C1orf167: variants seen among roughly 807,000 people sequenced by gnomAD.
The protein encoded by C1orf167 is uncharacterized protein C1orf167.
C1orf167 carries 153 observed loss-of-function variants against 176.5 expected under a neutral mutation model. That is an observed-to-expected ratio of 0.87 (90% CI 0.76 to 0.99). C1orf167 has a LOEUF of 0.99. Ranked by LOEUF, C1orf167 falls within the 50% of genes least tolerant of loss-of-function variation. The pLI is 0.00. For synonymous variants in C1orf167, 594 were observed against 752.7 expected, an observed-to-expected ratio of 0.79 and a Z score of 3.45; for missense variants, 1,490 against 1,817.7, an observed-to-expected ratio of 0.82 and a Z score of 3.28.
Position 11,768,466 on chromosome 1 carries a change from C to T in C1orf167, c.1542+191C>T, listed in dbSNP as rs911350675. 9.1e-6 allele frequency: 4 copies of T among 439,210 alleles called. No individual in the cohort carries two copies. The highest frequency in any genetic ancestry group is 6.4e-5 in the South Asian group (3 of 46,892). 27.2% of individuals were successfully genotyped at this position (439,210 alleles called of 1,614,324 possible). On this transcript the variant is annotated intron_variant, in intron 5 of 20. Transcript: ENST00000688073. The surrounding 1 kb of genome is among the most constrained non-coding windows in gnomAD (Gnocchi z 4.5). ...TGAGTTCAAATCCTGCCCCCTCTACCACTTTCTAGCTGCGTGACCTTGGGC... is the reference window on the plus strand; with the variant it reads ...TGAGTTCAAATCCTGCCCCCTCTACTACTTTCTAGCTGCGTGACCTTGGGC...
intron 4 of C1orf167, 27 bp downstream of exon 4, chr1:11,767,291 G>A (rs1465734734): frequency 1.7e-6 from 2 of 1,206,854 alleles, no homozygotes; most frequent in Admixed American, 4.6e-5. Flanking sequence ...GTGGGGACAG[G>A]GGTTGGAGTT....
chr1:11,779,224 G>A lies in C1orf167; in HGVS notation c.2651+144G>A, dbSNP rs1206030199. On this transcript the variant is annotated intron_variant, in intron 12 of 20. Coordinates refer to ENST00000688073, the MANE Select transcript of C1orf167 (RefSeq NM_001010881.2). ...TCAGTTCCTCCTGTCTTCCTGCCCC[G>A]TCCTACTGAGAGGGTGTCGGGGAGT... The A allele has an allele frequency of 1.1e-4, 83 of 776,770 alleles. 1 individual carries two copies. The highest frequency in any genetic ancestry group is 5.6e-4 in the Middle Eastern group (1 of 1,770). 48.1% of individuals were successfully genotyped at this position (776,770 alleles called of 1,614,324 possible).
chr1:11,771,370 G>A (rs1194881715), intron 6 of C1orf167, among the ~76,000 whole-genome samples, 154 bp from the exon 7 acceptor site: 1 of 151,918 alleles, frequency 6.6e-6, no homozygotes, highest in African/African-American at 2.4e-5. Context: ...TTTTAAATCC[G>A]ACATAAAATA....
chr1:11,780,028 C>T lies in C1orf167; in HGVS notation c.2860+18C>T, dbSNP rs574764929. ...TTGGCAGGGTGAGTGGAGACTTGGTCGGGGGCACTGCGGGTGAGGGCAGGG... is the reference window on the plus strand; with the variant it reads ...TTGGCAGGGTGAGTGGAGACTTGGTTGGGGGCACTGCGGGTGAGGGCAGGG... On this transcript the variant is annotated intron_variant, in intron 13 of 20. Transcript: ENST00000688073. 3.0e-5 allele frequency: 38 copies of T among 1,256,760 alleles called. No homozygotes were observed. The highest frequency in any genetic ancestry group is 9.7e-5 in the Admixed American group (4 of 41,058). The allele number at this position is 1,256,760 out of a possible 1,614,324, so 77.9% of individuals were successfully genotyped here.
In C1orf167 at chr1:11,776,555, C is replaced by G; in HGVS notation, c.2256C>G (p.Ser752=). The change falls in exon 10 of 21, where the codon TCC becomes TCG. Residue 752 remains serine, a synonymous_variant. Transcript: ENST00000688073. Reference sequence around the variant, plus strand: ...GGCAGCAGGAGCAAGGCCGGGGCTCCCTGCAGGATGCCTGCTGGACACTGG... The same window carrying G: ...GGCAGCAGGAGCAAGGCCGGGGCTCGCTGCAGGATGCCTGCTGGACACTGG... The part of the protein sequence containing the change: ...AQGQQEQGRG[S]LQDACWTLAL... 1.6e-6 allele frequency: 2 copies of G among 1,275,802 alleles called. No individual in the cohort carries two copies. Among genetic ancestry groups the G allele is most frequent in the Non-Finnish European group, 2.0e-6 (2 of 976,844 alleles). The allele number at this position is 1,275,802 out of a possible 1,614,324, so 79.0% of individuals were successfully genotyped here. A position where few individuals can be genotyped will look rare whatever the true frequency, so the allele number is the denominator to read the frequency against.
rs371188005 is a variant in C1orf167 at position 11,788,023 on chromosome 1, G to A, written c.3824G>A (p.Ser1275Asn). 1.3e-3 allele frequency: 1,733 copies of A among 1,301,232 alleles called. 3 individuals carry two copies. Among genetic ancestry groups the A allele is most frequent in the Middle Eastern group, 3.9e-3 (18 of 4,674 alleles). The allele number at this position is 1,301,232 out of a possible 1,614,324, so 80.6% of individuals were successfully genotyped here. The change falls in exon 18 of 21, where the codon AGC becomes AAC. Residue 1275 changes from serine (S) to asparagine (N), a missense_variant. Transcript: ENST00000688073. ...SPEPRACKAQ[S>N]KAHKRRLRAR... Reference sequence around the variant, plus strand: ...GAGCCCAGAGCCTGCAAAGCCCAAAGCAAGGCCCATAAACGGAGGCTACGG... The same window carrying A: ...GAGCCCAGAGCCTGCAAAGCCCAAAACAAGGCCCATAAACGGAGGCTACGG...
At chr1:11,773,246 C>T (rs1415674030) in intron 8 of C1orf167, among the ~76,000 whole-genome samples, 1 of 152,048 alleles carries the variant, frequency 6.6e-6, no homozygotes, top group African/African-American at 2.4e-5. Context: ...TAAACCCCAG[C>T]GCACCAATTA....
At position 11,775,582 on chromosome 1, in the gene C1orf167, CCAGCTGTCCCTCTGCCGG is replaced by C. The variant is rs1557732082; in HGVS notation, c.2140_2157del (p.Leu714_Gln719del). The stretch of plus-strand genomic sequence containing the variant: ...GGGAATCAGATGGGGCAAAGGTGAC[CCAGCTGTCCCTCTGCCGG>C]CAGAAAGCAGGTGAGCTAGTGTTGG... On this transcript the variant is annotated inframe_deletion, in exon 9 of 21. Transcript: ENST00000688073. 5 of 1,303,440 alleles carry C rather than the reference CCAGCTGTCCCTCTGCCGG, an allele frequency of 3.8e-6. No homozygotes were observed. The highest frequency in any genetic ancestry group is 5.6e-5 in the East Asian group (1 of 17,988). The allele number at this position is 1,303,440 out of a possible 1,614,324, so 80.7% of individuals were successfully genotyped here.
intron 6 of C1orf167, 108 bp downstream of exon 6, chr1:11,769,235 G>A: frequency 3.4e-6 from 3 of 879,682 alleles, no homozygotes; most frequent in Non-Finnish European, 4.1e-6. Flanking sequence ...ATAAGCAGAT[G>A]TGGGCAAAGA....
intron 1 of C1orf167, among the ~76,000 whole-genome samples, chr1:11,764,038 C>T (rs901501114): frequency 3.9e-5 from 6 of 152,130 alleles, no homozygotes; most frequent in East Asian, 1.9e-4. Context: ...GTTAGACATC[C>T]GGGTAGGCGT....
At chr1:11,783,822 C>T (rs764364734) in intron 14 of C1orf167, among the ~76,000 whole-genome samples, 6 of 152,184 alleles carry the variant, frequency 3.9e-5, no homozygotes, top group Non-Finnish European at 7.4e-5. Context: ...ACTCTGAGAA[C>T]GAGACAAGCC....
intron 8 of C1orf167, among the ~76,000 whole-genome samples, chr1:11,774,998 G>A (rs1007063077): frequency 2.0e-5 from 3 of 152,098 alleles, no homozygotes; most frequent in African/African-American, 7.2e-5. Context: ...AGAAAACGGA[G>A]GCTTGGCCAG....
intron 8 of C1orf167, among the ~76,000 whole-genome samples, chr1:11,774,886 G>A (rs1643237091): frequency 6.6e-6 from 1 of 152,212 alleles, no homozygotes; most frequent in Admixed American, 6.5e-5. Context: ...AGGGAGGCCA[G>A]GTCAGAGGCT....
intron 14 of C1orf167, among the ~76,000 whole-genome samples, chr1:11,783,803 T>A (rs1643700876): frequency 6.6e-6 from 1 of 152,220 alleles, no homozygotes; most frequent in Admixed American, 6.5e-5. Context: ...TGAATAAATG[T>A]GACTTTTGAC....
At chr1:11,787,313 C>G in intron 16 of C1orf167, 75 bp from the exon 17 acceptor site, 1 of 880,156 alleles carries the variant, frequency 1.1e-6, no homozygotes, top group Non-Finnish European at 1.5e-6. Context: ...GCTAGAGCAG[C>G]GAAGAAATCC....
intron 14 of C1orf167, among the ~76,000 whole-genome samples, chr1:11,782,572 C>T (rs1031322615): frequency 3.9e-5 from 6 of 152,158 alleles, no homozygotes; most frequent in South Asian, 2.1e-4. Flanking sequence ...CAACAAGCCC[C>T]GGGAGTCCAG....
At position 11,765,976 on chromosome 1, in the gene C1orf167, C is replaced by T. The variant is rs577967430; in HGVS notation, c.190C>T (p.Leu64=). Residue 64 remains leucine, a synonymous_variant, in exon 3 of 21, where the codon CTA becomes TTA. Coordinates refer to ENST00000688073, the MANE Select transcript of C1orf167 (RefSeq NM_001010881.2). The stretch of plus-strand genomic sequence containing the variant: ...TGCCACACCCTCCCCAGGGGCAGTG[C>T]TAGACCAGGAGCCCTGCCGAGTCCA... The part of the protein sequence containing the change: ...PAATPSPGAV[L]DQEPCRVQTN... 2.3e-6 allele frequency: 3 copies of T among 1,287,678 alleles called. No individual in the cohort carries two copies. Among genetic ancestry groups the T allele is most frequent in the Non-Finnish European group, 3.0e-6 (3 of 987,628 alleles). The allele number at this position is 1,287,678 out of a possible 1,614,324, so 79.8% of individuals were successfully genotyped here. A position where few individuals can be genotyped will look rare whatever the true frequency, so the allele number is the denominator to read the frequency against.
At position 11,762,493 on chromosome 1, in the gene C1orf167, G is replaced by A. The variant is rs981572847; in HGVS notation, c.-71+188G>A. Reference sequence around the variant, plus strand: ...GGCGTGAGGGGCAGGGGTGCAGGAAGGTCTCCTGTGGATTGAGCGGCCTCA... The same window carrying A: ...GGCGTGAGGGGCAGGGGTGCAGGAAAGTCTCCTGTGGATTGAGCGGCCTCA... On this transcript the variant is annotated intron_variant, in intron 1 of 20. Coordinates refer to ENST00000688073, the MANE Select transcript of C1orf167 (RefSeq NM_001010881.2). Among the ~76,000 whole-genome samples the A allele has an allele frequency of 2.0e-5, 3 of 152,206 alleles. No homozygotes were observed. The East Asian group carries it at 5.8e-4, about 29-fold the overall frequency.
In C1orf167 at chr1:11,785,234, G is replaced by A. The variant is rs960484648; in HGVS notation, c.3512G>A (p.Arg1171His). ...CAGCTCCGGCCGGCTGAGCTCAGGC[G>A]CTTCCTGCGGACAGTGCAGCTCAGG... is the stretch of plus-strand genomic sequence containing the variant. The part of the protein sequence containing the change: ...LTQLRPAELR[R>H]FLRTVQLRVR... Residue 1171 changes from arginine (R) to histidine (H), a missense_variant, in exon 16 of 21, where the codon CGC (arginine) becomes CAC (histidine). Coordinates refer to ENST00000688073, the MANE Select transcript of C1orf167 (RefSeq NM_001010881.2). 4 of 1,291,478 alleles carry A rather than the reference G, an allele frequency of 3.1e-6. No individual in the cohort carries two copies. The highest frequency in any genetic ancestry group is 1.2e-5 in the South Asian group (1 of 81,000). 80.0% of individuals were successfully genotyped at this position (1,291,478 alleles called of 1,614,324 possible). A position where few individuals can be genotyped will look rare whatever the true frequency, so the allele number is the denominator to read the frequency against.
Sources: gnomAD v4.1 joint callset for allele counts (sites outside exome capture counted in the v4.1 genomes callset) on GRCh38, gnomAD v4.1.1 for gene constraint, Gnocchi (gnomAD v3.1) non-coding constraint, MANE v1.5 for transcripts, NCBI Gene and HGNC (gene_info 2026-07-23, HGNC 2026-07-21) for gene names.